The following CD99L2 variants were observed in gnomAD, a reference collection of about 807,000 sequenced individuals.
The protein encoded by CD99L2 is CD99 molecule like 2, also known as CD99 antigen-like protein 2.
Under a neutral mutation model 27.3 loss-of-function variants are expected in CD99L2, and 24 were observed. The observed-to-expected ratio is 0.88, with a 90% CI of 0.64 to 1.24. The LOEUF (loss-of-function observed/expected upper bound fraction) is 1.24. Among genes scored for constraint, CD99L2 ranks in the 50% most tolerant of loss-of-function variants. The probability of loss-of-function intolerance (pLI) is 0.00; values close to 1 mark genes in which losing one functional copy is unlikely to be tolerated. For missense variants in CD99L2, 255 were observed against 221.6 expected (o/e 1.15, Z -0.96); for synonymous variants, 97 against 87.9 (o/e 1.10, Z -0.58).
At position 150,799,701 on chromosome X, in the gene CD99L2, CTAT is replaced by C. The variant is rs1300983025; in HGVS notation, c.278-4218_278-4216del. Among the ~76,000 whole-genome samples, 3 of 111,383 alleles carry C rather than the reference CTAT, an allele frequency of 2.7e-5. 1 individual carries two copies. In the Admixed American group the frequency reaches 2.9e-4, roughly 11 times the overall value. ...TACCAGTTTGCACCCATTGGGATGG[CTAT>C]TATTAAAAGAAAAATGAAAAATTAC... On this transcript the variant is annotated intron_variant, in intron 4 of 10. Coordinates refer to ENST00000370377, the MANE Select transcript of CD99L2 (RefSeq NM_031462.4).
At chrX:150,848,111 G>C (rs1409996847) in intron 1 of CD99L2, among the ~76,000 whole-genome samples, 5 of 93,481 alleles carry the variant, frequency 5.3e-5, no homozygotes, top group East Asian at 6.8e-4. Context: ...TGGCCTGCAG[G>C]CCCCCCCCCC....
intron 1 of CD99L2, among the ~76,000 whole-genome samples, chrX:150,862,851 AG>A (rs2046999637): frequency 9.5e-6 from 1 of 105,723 alleles, no homozygotes. Flanking sequence ...AGAGAGAGAG[AG>A]AGACAGAGAG....
chrX:150,786,528 T>C (rs1603289285), intron 7 of CD99L2, among the ~76,000 whole-genome samples: 2 of 111,629 alleles, frequency 1.8e-5, no homozygotes, highest in Middle Eastern at 9.2e-3. Flanking sequence ...TCCAGCTCCA[T>C]CTAAGTTGTT....
Position 150,831,290 on chromosome X carries a change from G to T in CD99L2, c.71C>A (p.Ser24Tyr). ...FSLATLVQRGSGDFDDFNLED... is the reference protein window; with the variant it reads ...FSLATLVQRGYGDFDDFNLED... The stretch of plus-strand genomic sequence containing the variant: ...CAGGTTAAAATCATCAAAGTCCCCA[G>T]ATCCTAAAAATTAAAAAAAAAAATT... Residue 24 changes from serine (S) to tyrosine (Y), a missense_variant, in exon 2 of 11, where the codon TCT becomes TAT. Physicochemically the swap from Ser to Tyr is moderately radical, Grantham distance 144. Coordinates refer to ENST00000370377, the MANE Select transcript of CD99L2 (RefSeq NM_031462.4). 8.4e-7 allele frequency: 1 copy of T among 1,188,131 alleles called. No individual in the cohort carries two copies.
intron 1 of CD99L2, among the ~76,000 whole-genome samples, chrX:150,874,963 C>T (rs1375590503): frequency 8.9e-6 from 1 of 111,869 alleles, no homozygotes; most frequent in Admixed American, 9.5e-5. Flanking sequence ...AAGCTCTGAA[C>T]CCAGGCCTTC....
At chrX:150,789,672 C>A (rs1471478793) in intron 7 of CD99L2, among the ~76,000 whole-genome samples, 3 of 111,205 alleles carry the variant, frequency 2.7e-5, no homozygotes, top group Non-Finnish European at 5.7e-5. Flanking sequence ...ATCACCTGAG[C>A]CCAGGAGCTC....
chrX:150,776,039 C>T (rs782709698), intron 9 of CD99L2, 135 bp downstream of exon 9: 64 of 856,934 alleles, frequency 7.5e-5, no homozygotes, highest in Non-Finnish European at 9.5e-5. Context: ...ACTGTTGCCT[C>T]CACCCCCGTC....
Position 150,768,954 on chromosome X carries a change from G to A in CD99L2, c.*80C>T. On this transcript the variant is annotated 3_prime_UTR_variant, in exon 11 of 11. Coordinates refer to ENST00000370377, the MANE Select transcript of CD99L2 (RefSeq NM_031462.4). The stretch of plus-strand genomic sequence containing the variant: ...GATGGCACAGAGCAGCACAGCAGCT[G>A]CGGGTCCAAATGAAGGGGTGGGGGG... 9.1e-7 allele frequency: 1 copy of A among 1,099,651 alleles called. No individual in the cohort carries two copies. The highest frequency in any genetic ancestry group is 1.2e-6 in the Non-Finnish European group (1 of 851,765). 90.6% of individuals were successfully genotyped at this position (1,099,651 alleles called of 1,213,427 possible).
intron 1 of CD99L2, among the ~76,000 whole-genome samples, chrX:150,845,843 C>G (rs1413063759): frequency 2.7e-5 from 3 of 112,542 alleles, no homozygotes; most frequent in Non-Finnish European, 3.8e-5. Flanking sequence ...AACCCTATGA[C>G]AAGTGGCACA....
chrX:150,834,798 T>C (rs782131794), intron 1 of CD99L2, among the ~76,000 whole-genome samples: 2 of 112,428 alleles, frequency 1.8e-5, no homozygotes, highest in Admixed American at 1.9e-4. Context: ...CCCATGTTCA[T>C]TTTGGTTTTA....
At position 150,814,848 on chromosome X, in the gene CD99L2, C is replaced by T. The variant is rs1557420425; in HGVS notation, c.277+14G>A. On this transcript the variant is annotated intron_variant, in intron 4 of 10. Transcript: ENST00000370377. Reference sequence around the variant, plus strand: ...GACAGAATCCTGTAGTAGTTTCAACCAGCAAAGACTTACCTCTTCCTCCTA... The same window carrying T: ...GACAGAATCCTGTAGTAGTTTCAACTAGCAAAGACTTACCTCTTCCTCCTA... 5.1e-6 allele frequency: 6 copies of T among 1,184,711 alleles called. No individual in the cohort carries two copies. Among genetic ancestry groups the T allele is most frequent in the Non-Finnish European group, 6.9e-6 (6 of 871,421 alleles).
At chrX:150,815,903 T>C (rs1557420469) in intron 3 of CD99L2, 104 bp downstream of exon 3, 1 of 799,363 alleles carries the variant, frequency 1.3e-6, no homozygotes, top group Non-Finnish European at 1.9e-6. Context: ...TGATTGTTTC[T>C]GCACACATGG....
At chrX:150,778,482 TGGGGAGGCTGTGCACATGTGGGGGTG>T (rs1557419347) in intron 7 of CD99L2, among the ~76,000 whole-genome samples, 1 of 75,028 alleles carries the variant, frequency 1.3e-5, no homozygotes, top group Non-Finnish European at 2.5e-5. Context: ...TATTGATAGT[TGGGGAGGCTGTGCACATGTGGGGGTG>T]GGGGAAACAT....
At position 150,896,258 on chromosome X, in the gene CD99L2, C is replaced by T. The variant is rs185591973; in HGVS notation, c.67+2264G>A. ...ACTAAAAATACAAAAATTAGCCGGG[C>T]ATGGTGGCGCATGCCTGTAGTCCCA... On this transcript the variant is annotated intron_variant, in intron 1 of 10. Transcript: ENST00000370377. Among the ~76,000 whole-genome samples, 205 of 108,471 alleles carry T rather than the reference C, an allele frequency of 1.9e-3. 2 individuals carry two copies. Among genetic ancestry groups the T allele is most frequent in the Admixed American group, 0.012 (124 of 10,108 alleles). The allele number at this position is 108,471 out of a possible 115,157, so 94.2% of individuals were successfully genotyped here.
chrX:150,779,380 T>C (rs1393578916), intron 7 of CD99L2, among the ~76,000 whole-genome samples: 4 of 111,993 alleles, frequency 3.6e-5, no homozygotes, highest in African/African-American at 1.3e-4. Context: ...TCAAAAAAAG[T>C]GATCCCATCC....
chrX:150,829,935 T>C (rs782649610), intron 2 of CD99L2, among the ~76,000 whole-genome samples: 243 of 110,749 alleles, frequency 2.2e-3, no homozygotes, highest in African/African-American at 7.8e-3. Flanking sequence ...GGCGGGCGGA[T>C]TGCCTGAGCT....
intron 7 of CD99L2, among the ~76,000 whole-genome samples, chrX:150,785,490 G>A (rs782280961): frequency 1.8e-5 from 2 of 111,194 alleles, no homozygotes; most frequent in South Asian, 7.6e-4. Flanking sequence ...ATTTGCTTAC[G>A]ATTCCTTTTT....
In CD99L2 at chrX:150,795,308, T is replaced by C. The variant is rs782124267; in HGVS notation, c.347-19A>G. 1 of 1,208,182 alleles carries C rather than the reference T, an allele frequency of 8.3e-7. No individual in the cohort carries two copies. Among genetic ancestry groups the C allele is most frequent in the African/African-American group, 1.8e-5 (1 of 57,111 alleles). On this transcript the variant is annotated intron_variant, in intron 5 of 10. Coordinates refer to ENST00000370377, the MANE Select transcript of CD99L2 (RefSeq NM_031462.4). Reference sequence around the variant, plus strand: ...TCATTTCCTTCATGGGGTCCCAAAATAAAAGAAATACTCAATTAGTTCATC... The same window carrying C: ...TCATTTCCTTCATGGGGTCCCAAAACAAAAGAAATACTCAATTAGTTCATC...
intron 10 of CD99L2, among the ~76,000 whole-genome samples, chrX:150,769,667 GTC>G (rs1397777109): frequency 1.5e-4 from 16 of 107,297 alleles, no homozygotes; most frequent in African/African-American, 5.2e-4. Context: ...AGCTGTCCTA[GTC>G]TCCCTGCCTG....
Sources: gnomAD v4.1 joint callset for allele counts (sites outside exome capture counted in the v4.1 genomes callset) on GRCh38, gnomAD v4.1.1 for gene constraint, MANE v1.5 for transcripts, NCBI Gene and HGNC (gene_info 2026-07-23, HGNC 2026-07-21) for gene names.